DCAF6: variants seen among roughly 807,000 people sequenced by gnomAD.
DCAF6 encodes the protein DDB1 and CUL4 associated factor 6, also known as DDB1- and CUL4-associated factor 6.
DCAF6 carries 54 observed loss-of-function variants against 125.1 expected under a neutral mutation model. The observed-to-expected ratio is 0.43, with a 90% CI of 0.35 to 0.54. The LOEUF (loss-of-function observed/expected upper bound fraction) is 0.54, where lower values mean the gene tolerates loss of function less well. DCAF6 is among the 20% of genes least tolerant of loss of function. The pLI, the probability that DCAF6 is intolerant of heterozygous loss-of-function variation, is 0.01. For synonymous variants in DCAF6, 371 were observed against 390.4 expected, an observed-to-expected ratio of 0.95 and a Z score of 0.58; for missense variants, 934 against 1,161.7, an observed-to-expected ratio of 0.80 and a Z score of 2.85.
At chr1:167,920,169 T>C in the DCAF6 span, 1 of 870,726 alleles carries the variant, frequency 1.1e-6, no homozygotes, top group South Asian at 1.7e-5. Context: ...TTGAGTAAAG[T>C]AATTACAACA....
At chr1:167,897,997 C>CAAAAAAAAAAA in the DCAF6 span, among the ~76,000 whole-genome samples, 8 of 17,390 alleles carry the variant, frequency 4.6e-4, no homozygotes, top group African/African-American at 2.5e-3. Flanking sequence ...GACTCTGTCT[C>CAAAAAAAAAAA]AAAAAAAAAA....
intron 20 of DCAF6, among the ~76,000 whole-genome samples, chr1:168,068,007 T>C (rs1306390254): frequency 6.6e-6 from 1 of 152,184 alleles, no homozygotes; most frequent in African/African-American, 2.4e-5. Flanking sequence ...TCACTAAAGT[T>C]ATCAGTTCTC....
the DCAF6 span, among the ~76,000 whole-genome samples, chr1:167,924,990 T>C: frequency 2.6e-5 from 4 of 152,248 alleles, no homozygotes; most frequent in East Asian, 7.7e-4. Context: ...AATGTAAAAA[T>C]GGCAGTTGCT....
the DCAF6 span, among the ~76,000 whole-genome samples, chr1:167,929,571 T>C: frequency 6.6e-6 from 1 of 152,162 alleles, no homozygotes; most frequent in Non-Finnish European, 1.5e-5. Context: ...ATAAACAAAT[T>C]TAGTTGCCTT....
chr1:167,883,179 A>G, the DCAF6 span, among the ~76,000 whole-genome samples: 1 of 152,244 alleles, frequency 6.6e-6, no homozygotes, highest in Non-Finnish European at 1.5e-5. Context: ...CTGAGATTAC[A>G]GGCACGTGCC....
intron 20 of DCAF6, among the ~76,000 whole-genome samples, chr1:168,067,268 A>G (rs1187907316): frequency 6.6e-6 from 1 of 152,208 alleles, no homozygotes; most frequent in Admixed American, 6.5e-5. Flanking sequence ...GATGTATTGT[A>G]TACATAATGC....
intron 1 of DCAF6, among the ~76,000 whole-genome samples, chr1:167,945,944 C>G (rs1673003106): frequency 6.8e-6 from 1 of 147,924 alleles, no homozygotes; most frequent in South Asian, 2.1e-4. Flanking sequence ...ATTCATTTAC[C>G]AAATCTAAGG....
At chr1:167,889,655 G>C in the DCAF6 span, among the ~76,000 whole-genome samples, 1 of 152,176 alleles carries the variant, frequency 6.6e-6, no homozygotes, top group Non-Finnish European at 1.5e-5. Flanking sequence ...GTTGGTATTA[G>C]TTCTTCAAGT....
At chr1:167,975,098 G>A in intron 4 of DCAF6, 83 bp downstream of exon 4, 1 of 803,460 alleles carries the variant, frequency 1.2e-6, no homozygotes, top group Non-Finnish European at 1.8e-6. Context: ...ATGCATGTGT[G>A]TACATGTACA....
upstream of DCAF6, chr1:167,936,661 G>A (rs1353303778): frequency 4.6e-6 from 2 of 438,428 alleles, no homozygotes; most frequent in Non-Finnish European, 8.2e-6. Flanking sequence ...GGGGCTGAGG[G>A]AGGAGACTGT....
At chr1:168,021,415 T>G (rs1685654752) in intron 11 of DCAF6, among the ~76,000 whole-genome samples, 1 of 152,190 alleles carries the variant, frequency 6.6e-6, no homozygotes, top group African/African-American at 2.4e-5. Flanking sequence ...GAGTTTAATT[T>G]GTTTTCTAAA....
At chr1:168,006,160 T>C (rs1557965185) in intron 10 of DCAF6, among the ~76,000 whole-genome samples, 1 of 152,150 alleles carries the variant, frequency 6.6e-6, no homozygotes, top group African/African-American at 2.4e-5. Context: ...ATGAGTAAAG[T>C]ATTTGGAACT....
At chr1:167,935,846 GCCGAGGGATC>G, upstream of DCAF6, 1 of 1,548,738 alleles carries the variant, frequency 6.5e-7, no homozygotes, top group Non-Finnish European at 8.7e-7. Context: ...CGACATCGCC[GCCGAGGGATC>G]GTTGGCAGCC....
rs144218623 is a variant in DCAF6, at chr1:168,005,060, A to G, written c.1378+267A>G. ...AAAAGATAGTGTTTTGACATAGTTT[A>G]ATGTGCCTGACTTAAATATTATTTT... is the stretch of plus-strand genomic sequence containing the variant. On this transcript the variant is annotated intron_variant, in intron 10 of 21. Transcript: ENST00000367840. 2.0e-5 allele frequency among the ~76,000 whole-genome samples: 3 copies of G among 152,334 alleles called. No individual in the cohort carries two copies. In the East Asian group the frequency reaches 5.8e-4, roughly 29 times the overall value.
the DCAF6 span, among the ~76,000 whole-genome samples, chr1:167,897,155 A>C: frequency 5.0e-3 from 756 of 150,540 alleles, 1 homozygote; most frequent in Non-Finnish European, 7.8e-3. Context: ...GCACGATCTC[A>C]TTTTTGTGGT....
At chr1:167,934,439 CA>C (rs34137322), upstream of DCAF6, among the ~76,000 whole-genome samples, 2 of 151,980 alleles carry the variant, frequency 1.3e-5, no homozygotes, top group Admixed American at 6.6e-5. Flanking sequence ...AGCATAATTC[CA>C]AAAAAATTGA....
chr1:167,986,917 A>G (rs1053402150), intron 4 of DCAF6, among the ~76,000 whole-genome samples: 2 of 152,242 alleles, frequency 1.3e-5, no homozygotes, highest in Non-Finnish European at 2.9e-5. Context: ...CTTCATTAAA[A>G]AAGGTTTTTA....
At chr1:168,024,804 CAAAAAA>C (rs76178208) in intron 12 of DCAF6, among the ~76,000 whole-genome samples, 2 of 74,938 alleles carry the variant, frequency 2.7e-5, no homozygotes. Context: ...ACTCTGTATC[CAAAAAA>C]AAAAAAAAAA....
At chr1:167,891,925 A>G in the DCAF6 span, among the ~76,000 whole-genome samples, 4 of 152,002 alleles carry the variant, frequency 2.6e-5, no homozygotes, top group Non-Finnish European at 4.4e-5. Context: ...TTCTTTTTAT[A>G]AAAGAGATTT....
Sources: gnomAD v4.1 joint callset for allele counts (sites outside exome capture counted in the v4.1 genomes callset) on GRCh38, gnomAD v4.1.1 for gene constraint, MANE v1.5 for transcripts, NCBI Gene and HGNC (gene_info 2026-07-23, HGNC 2026-07-21) for gene names.